The following PIK3R1 variants were observed in gnomAD, a reference collection of about 807,000 sequenced individuals.
PIK3R1 encodes phosphoinositide-3-kinase regulatory subunit 1.
PIK3R1 carries 29 observed loss-of-function variants against 98.0 expected under a neutral mutation model. That is an observed-to-expected ratio of 0.30 (90% confidence interval 0.22 to 0.40). The LOEUF (loss-of-function observed/expected upper bound fraction) is 0.40. Among genes scored for constraint, PIK3R1 ranks in the 10% least tolerant of loss-of-function variants. The pLI is 1.00. For missense variants in PIK3R1, 596 were observed against 872.7 expected (o/e 0.68, Z 3.99); for synonymous variants, 282 against 311.8 (o/e 0.90, Z 1.01).
At chr5:68,245,106 G>T (rs1232233576) in intron 2 of PIK3R1, among the ~76,000 whole-genome samples, 2 of 152,190 alleles carry the variant, frequency 1.3e-5, no homozygotes, top group Non-Finnish European at 2.9e-5. Context: ...CATTGGAAAA[G>T]AATACAGTAT....
At chr5:68,288,297 C>A in intron 7 of PIK3R1, 1 of 512,890 alleles carries the variant, frequency 1.9e-6, no homozygotes, top group Non-Finnish European at 2.6e-6. Flanking sequence ...TTGACTTGGG[C>A]TCCCCTCCCC....
chr5:68,292,741 T>A, intron 8 of PIK3R1: 1 of 1,272,622 alleles, frequency 7.9e-7, no homozygotes, highest in Non-Finnish European at 1.0e-6. Flanking sequence ...TTGGAGAAAC[T>A]CTTTTGAGAT....
rs36055833 is a variant in PIK3R1 at position 68,298,571 on chromosome 5, TA to T, written c.*982del. The T allele has an allele frequency of 0.039, 8,025 of 208,382 alleles. No homozygotes were observed. The highest frequency in any genetic ancestry group is 0.097 in the Middle Eastern group (62 of 640). 12.9% of individuals were successfully genotyped at this position (208,382 alleles called of 1,614,324 possible). Reference sequence around the variant, plus strand: ...TAAAAGTAAATGTACAGGATGCCAGTAAAAAAAAAAAATGGCTTCAGAATTA... The same window carrying T: ...TAAAAGTAAATGTACAGGATGCCAGTAAAAAAAAAAATGGCTTCAGAATTA... On this transcript the variant is annotated 3_prime_UTR_variant, in exon 16 of 16. Transcript: ENST00000521381.
intron 2 of PIK3R1, among the ~76,000 whole-genome samples, chr5:68,262,403 T>C (rs199800544): frequency 2.6e-4 from 37 of 140,606 alleles, no homozygotes; most frequent in Middle Eastern, 3.7e-3. Flanking sequence ...TATATATATA[T>C]ACACACACGC....
At chr5:68,288,251 G>T in intron 7 of PIK3R1, 1 of 218,674 alleles carries the variant, frequency 4.6e-6, no homozygotes, top group Non-Finnish European at 8.4e-6. Context: ...TGAGCAAGTT[G>T]GTCTTGCATT....
rs1748029715 is a variant in PIK3R1, at chr5:68,301,338, G to A, written c.*3737G>A. 8.4e-6 allele frequency: 1 copy of A among 118,710 alleles called. No individual in the cohort carries two copies. Among genetic ancestry groups the A allele is most frequent in the Non-Finnish European group, 1.7e-5 (1 of 57,406 alleles). The allele number at this position is 118,710 out of a possible 1,614,324, so 7.4% of individuals were successfully genotyped here. ...TGAGATAGCATTAGCTGCCCAGGAT[G>A]CTGCTATATATATATATATATATAT... On this transcript the variant is annotated 3_prime_UTR_variant, in exon 16 of 16. Coordinates refer to ENST00000521381, the MANE Select transcript of PIK3R1 (RefSeq NM_181523.3).
intron 11 of PIK3R1, 81 bp downstream of exon 11, chr5:68,293,915 G>A: frequency 5.1e-6 from 6 of 1,166,988 alleles, no homozygotes; most frequent in Non-Finnish European, 7.3e-6. Context: ...AATTTAAAAG[G>A]TTGAGTTTTT....
At chr5:68,262,546 C>T (rs1032000944) in intron 2 of PIK3R1, among the ~76,000 whole-genome samples, 1 of 140,712 alleles carries the variant, frequency 7.1e-6, no homozygotes, top group South Asian at 2.2e-4. Context: ...AGATACATAT[C>T]TAATGTATAC....
At chr5:68,258,822 T>C (rs1399686024) in intron 2 of PIK3R1, among the ~76,000 whole-genome samples, 1 of 152,188 alleles carries the variant, frequency 6.6e-6, no homozygotes, top group East Asian at 1.9e-4. Context: ...AAGTTCCTAG[T>C]ATTGCAGCAG....
chr5:68,245,648 G>A (rs954997689), intron 2 of PIK3R1, among the ~76,000 whole-genome samples: 66 of 152,260 alleles, frequency 4.3e-4, no homozygotes, highest in African/African-American at 1.3e-3. Flanking sequence ...GGATTTCAGT[G>A]AGGCACTCAA....
At chr5:68,277,846 GT>G (rs1262387279) in intron 4 of PIK3R1, among the ~76,000 whole-genome samples, 30 of 152,160 alleles carry the variant, frequency 2.0e-4, no homozygotes, top group African/African-American at 7.2e-4. Flanking sequence ...AAATCTGGTA[GT>G]TTTACTTCTA....
chr5:68,285,630 T>G (rs1175673317), intron 7 of PIK3R1, among the ~76,000 whole-genome samples: 1 of 152,228 alleles, frequency 6.6e-6, no homozygotes, highest in East Asian at 1.9e-4. Context: ...TAGTCAGTTT[T>G]ACTTTTGTTT....
intron 2 of PIK3R1, among the ~76,000 whole-genome samples, chr5:68,230,460 C>T (rs1351569530): frequency 6.6e-6 from 1 of 152,220 alleles, no homozygotes; most frequent in East Asian, 1.9e-4. Flanking sequence ...AAATTGACCA[C>T]GTGCTCTGAA....
chr5:68,277,591 T>G (rs1023002106), intron 4 of PIK3R1, among the ~76,000 whole-genome samples: 11 of 152,230 alleles, frequency 7.2e-5, no homozygotes, highest in Admixed American at 3.9e-4. Flanking sequence ...CAAGGAATTT[T>G]TGTAGTCTTA....
chr5:68,271,948 A>T (rs1485879866), intron 2 of PIK3R1, among the ~76,000 whole-genome samples: 1 of 152,292 alleles, frequency 6.6e-6, no homozygotes, highest in East Asian at 1.9e-4. Context: ...CTTGAAATAC[A>T]GGCTTAATTA....
Position 68,280,578 on chromosome 5 carries a change from T to G in PIK3R1, c.685T>G (p.Ser229Ala). 1 of 1,613,422 alleles carries G rather than the reference T, an allele frequency of 6.2e-7. No individual in the cohort carries two copies. Among genetic ancestry groups the G allele is most frequent in the Non-Finnish European group, 8.5e-7 (1 of 1,179,502 alleles). Residue 229 changes from serine to alanine, a missense_variant, in exon 6 of 16, where the codon TCG becomes GCG. Coordinates refer to ENST00000521381, the MANE Select transcript of PIK3R1 (RefSeq NM_181523.3). ...YIQLLKKLIR[S>A]PSIPHQYWLT... Reference sequence around the variant, plus strand: ...TCAGCTATTGAAGAAGCTTATTAGGTCGCCTAGCATACCTCATCAGTATTG... The same window carrying G: ...TCAGCTATTGAAGAAGCTTATTAGGGCGCCTAGCATACCTCATCAGTATTG...
chr5:68,260,390 C>T (rs929435598), intron 2 of PIK3R1, among the ~76,000 whole-genome samples: 5 of 152,090 alleles, frequency 3.3e-5, no homozygotes, highest in South Asian at 2.1e-4. Flanking sequence ...TCTCCCCTCC[C>T]GCCATCTCTT....
At chr5:68,225,502 G>C (rs1451363343) in intron 1 of PIK3R1, among the ~76,000 whole-genome samples, 1 of 152,024 alleles carries the variant, frequency 6.6e-6, no homozygotes. Flanking sequence ...TCTCGTTCTC[G>C]CCGCACATTT....
At chr5:68,292,516 G>A in intron 8 of PIK3R1, 155 bp downstream of exon 8, 2 of 1,514,244 alleles carry the variant, frequency 1.3e-6, no homozygotes, top group South Asian at 1.2e-5. Context: ...ACTGAGCACT[G>A]GAGAACTGTG....
Sources: allele counts gnomAD v4.1 joint callset (sites outside exome capture counted in the v4.1 genomes callset), GRCh38; gene constraint gnomAD v4.1.1; transcripts MANE v1.5; gene names NCBI Gene and HGNC (gene_info 2026-07-23, HGNC 2026-07-21).